The following TFEC variants were observed in gnomAD, a reference collection of about 807,000 sequenced individuals.
The protein encoded by TFEC is class E basic helix-loop-helix protein 34.
In TFEC, 31 loss-of-function variants were observed where a neutral mutation model predicts 41.6. That is an observed-to-expected ratio of 0.74 (90% confidence interval 0.56 to 1.01). TFEC has a LOEUF of 1.01. TFEC is among the 50% of genes least tolerant of loss of function. TFEC has a pLI of 0.00. For synonymous variants in TFEC, 143 were observed against 140.6 expected (o/e 1.02, Z -0.12); for missense variants, 402 against 404.1 (o/e 0.99, Z 0.04).
At chr7:115,989,758 T>A (rs1794023267) in intron 1 of TFEC, among the ~76,000 whole-genome samples, 1 of 152,072 alleles carries the variant, frequency 6.6e-6, no homozygotes, top group African/African-American at 2.4e-5. Flanking sequence ...GCACCACAGC[T>A]CAAGGAGGCC....
intron 3 of TFEC, among the ~76,000 whole-genome samples, chr7:116,043,776 T>C (rs1796094938): frequency 6.6e-6 from 1 of 152,180 alleles, no homozygotes; most frequent in Non-Finnish European, 1.5e-5. Context: ...AGGTTAATAA[T>C]GGATTAACAT....
intron 3 of TFEC, among the ~76,000 whole-genome samples, chr7:116,046,556 C>T (rs1796170199): frequency 6.6e-6 from 1 of 152,130 alleles, no homozygotes; most frequent in South Asian, 2.1e-4. Context: ...GTGTCTTTAT[C>T]AACAGTGTGA....
At chr7:116,062,560 C>CATATATACATAT (rs1796589637) in intron 3 of TFEC, among the ~76,000 whole-genome samples, 1 of 101,684 alleles carries the variant, frequency 9.8e-6, no homozygotes, top group Non-Finnish European at 2.0e-5. Context: ...GAGTAGTACT[C>CATATATACATAT]ATATATATAT....
At chr7:115,959,723 T>A (rs1173579737) in intron 3 of TFEC, among the ~76,000 whole-genome samples, 1 of 148,780 alleles carries the variant, frequency 6.7e-6, no homozygotes, top group Non-Finnish European at 1.5e-5. Flanking sequence ...AATGGAAAAA[T>A]AACATAATGG....
chr7:116,142,245 T>C (rs1798555210), intron 1 of TFEC, among the ~76,000 whole-genome samples: 1 of 152,230 alleles, frequency 6.6e-6, no homozygotes, highest in Non-Finnish European at 1.5e-5. Flanking sequence ...AGATTTACTA[T>C]GAACTCCTCT....
chr7:115,979,460 T>C lies in TFEC; in HGVS notation c.180+4802A>G, dbSNP rs182780414. 7.6e-3 allele frequency among the ~76,000 whole-genome samples: 1,163 copies of C among 152,236 alleles called. 13 individuals are homozygous for C. The highest frequency in any genetic ancestry group is 9.5e-3 in the Non-Finnish European group (647 of 68,008). ...ATAATTATTTGTTAATTTTTTCTCT[T>C]GCCCTCAACCTGAAGCTCCTATATG... On this transcript the variant is annotated intron_variant, in intron 2 of 7. Coordinates refer to ENST00000265440, the MANE Select transcript of TFEC (RefSeq NM_012252.4).
intron 3 of TFEC, among the ~76,000 whole-genome samples, chr7:116,050,801 A>G (rs1245928228): frequency 6.6e-6 from 1 of 152,270 alleles, no homozygotes; most frequent in Admixed American, 6.5e-5. Flanking sequence ...TACTGGGCAT[A>G]TACCCAAAGG....
chr7:115,967,320 A>G (rs1428054073), intron 3 of TFEC, among the ~76,000 whole-genome samples: 3 of 151,656 alleles, frequency 2.0e-5, no homozygotes, highest in Admixed American at 2.0e-4. Context: ...TTTTTTTGTG[A>G]AAACATTCAT....
intron 1 of TFEC, among the ~76,000 whole-genome samples, chr7:116,145,464 CT>C (rs1798623870): frequency 6.6e-6 from 1 of 152,192 alleles, no homozygotes; most frequent in Non-Finnish European, 1.5e-5. Context: ...ACAGAGACCA[CT>C]TCCTTTGGTG....
At chr7:116,003,460 C>A (rs941318249) in intron 1 of TFEC, among the ~76,000 whole-genome samples, 4 of 151,830 alleles carry the variant, frequency 2.6e-5, no homozygotes, top group African/African-American at 9.7e-5. Flanking sequence ...TATTTATATG[C>A]CCAAAAACAG....
chr7:115,966,810 T>C (rs1792875174), intron 3 of TFEC, among the ~76,000 whole-genome samples: 1 of 151,750 alleles, frequency 6.6e-6, no homozygotes, highest in Non-Finnish European at 1.5e-5. Flanking sequence ...AATGTCCCCA[T>C]TCCTTCAATA....
At chr7:116,014,753 C>T (rs965334933) in intron 1 of TFEC, among the ~76,000 whole-genome samples, 6 of 151,944 alleles carry the variant, frequency 3.9e-5, no homozygotes, top group African/African-American at 1.5e-4. Flanking sequence ...TCGTGCATGG[C>T]CTAATATAAT....
upstream of TFEC, among the ~76,000 whole-genome samples, chr7:116,031,525 C>A (rs1481498193): frequency 6.6e-6 from 1 of 152,128 alleles, no homozygotes; most frequent in African/African-American, 2.4e-5. Context: ...GTAATTCACA[C>A]TGTGAAAATC....
chr7:116,030,496 T>G (rs1795752570), intron 1 of TFEC, 137 bp downstream of exon 1: 1 of 448,928 alleles, frequency 2.2e-6, no homozygotes, highest in Admixed American at 6.4e-5. Flanking sequence ...TCAGATATCC[T>G]GATACCTAGT....
At chr7:116,040,826 G>C (rs1796019929) in intron 3 of TFEC, among the ~76,000 whole-genome samples, 1 of 152,110 alleles carries the variant, frequency 6.6e-6, no homozygotes, top group African/African-American at 2.4e-5. Flanking sequence ...CATGGCCTCT[G>C]CATTTGTGTG....
intron 1 of TFEC, among the ~76,000 whole-genome samples, chr7:116,021,965 G>A (rs561247394): frequency 1.3e-5 from 2 of 152,292 alleles, no homozygotes; most frequent in South Asian, 4.1e-4. Flanking sequence ...TCCCCCCAGA[G>A]TTGGTCCTCA....
At chr7:116,021,377 G>A (rs1795388331) in intron 1 of TFEC, among the ~76,000 whole-genome samples, 2 of 152,182 alleles carry the variant, frequency 1.3e-5, no homozygotes, top group South Asian at 4.1e-4. Flanking sequence ...AGAGTAAGAG[G>A]ATAATGCCTT....
At chr7:115,957,488 A>G (rs1792298210) in intron 3 of TFEC, among the ~76,000 whole-genome samples, 1 of 151,920 alleles carries the variant, frequency 6.6e-6, no homozygotes, top group Non-Finnish European at 1.5e-5. Flanking sequence ...AGAAAACCTA[A>G]GTTGCTTTAT....
At chr7:116,002,971 C>T (rs931027426) in intron 1 of TFEC, among the ~76,000 whole-genome samples, 1 of 151,780 alleles carries the variant, frequency 6.6e-6, no homozygotes, top group Non-Finnish European at 1.5e-5. Flanking sequence ...ATTAAAACCA[C>T]AAAAGGCGAA....
Sources: allele counts gnomAD v4.1 joint callset (sites outside exome capture counted in the v4.1 genomes callset), GRCh38; gene constraint gnomAD v4.1.1; transcripts MANE v1.5; gene names NCBI Gene and HGNC (gene_info 2026-07-23, HGNC 2026-07-21).